SIK3: variants seen among roughly 807,000 people sequenced by gnomAD.
The protein encoded by SIK3 is serine/threonine-protein kinase SIK3.
In SIK3, 28 loss-of-function variants were observed where a neutral mutation model predicts 144.2. The observed-to-expected ratio is 0.19, with a 90% CI of 0.14 to 0.27. The LOEUF (loss-of-function observed/expected upper bound fraction) is 0.27, where lower values mean the gene tolerates loss of function less well. Among genes scored for constraint, SIK3 ranks in the 10% least tolerant of loss-of-function variants. The probability of loss-of-function intolerance (pLI) is 1.00; values close to 1 mark genes in which losing one functional copy is unlikely to be tolerated. For missense variants in SIK3, 1,319 were observed against 1,776.0 expected (o/e 0.74, Z 4.62); for synonymous variants, 686 against 676.3 (o/e 1.01, Z -0.22).
chr11:117,086,689 T>C (rs1410799643), intron 1 of SIK3, among the ~76,000 whole-genome samples: 1 of 136,860 alleles, frequency 7.3e-6, no homozygotes, highest in Non-Finnish European at 1.5e-5. Context: ...AGACTCCGTC[T>C]CAAAAAAAAA....
intron 1 of SIK3, among the ~76,000 whole-genome samples, chr11:117,009,511 G>C (rs1951173600): frequency 6.6e-6 from 1 of 151,212 alleles, no homozygotes. Flanking sequence ...AGTTAGCAAT[G>C]ACAGCACTGC....
In SIK3 at chr11:116,897,336, A is replaced by G. The variant is rs1296809449; in HGVS notation, c.617-19T>C. 6.2e-7 allele frequency: 1 copy of G among 1,610,174 alleles called. No individual in the cohort carries two copies. Among genetic ancestry groups the G allele is most frequent in the Admixed American group, 1.7e-5 (1 of 59,544 alleles). On this transcript the variant is annotated intron_variant, in intron 4 of 24. Transcript: ENST00000445177. ...CCAAAATCTAGAAAGGCAAATGGAC[A>G]TAATTCGTATTATTGTAACCTTTTA...
chr11:116,860,540 C>T (rs1473354628), intron 19 of SIK3, among the ~76,000 whole-genome samples: 2 of 152,186 alleles, frequency 1.3e-5, no homozygotes, highest in Non-Finnish European at 2.9e-5. Flanking sequence ...CAAACGGAGG[C>T]ATGTCTATAA....
chr11:117,003,422 T>C (rs765644871), intron 1 of SIK3, among the ~76,000 whole-genome samples: 4 of 152,022 alleles, frequency 2.6e-5, no homozygotes, highest in Non-Finnish European at 4.4e-5. Flanking sequence ...TTTTCTAGTA[T>C]AAAATGAGGG....
Position 117,026,577 on chromosome 11 carries a change from C to T in SIK3, c.274-69513G>A, listed in dbSNP as rs1952019146. 2.0e-5 allele frequency among the ~76,000 whole-genome samples: 3 copies of T among 152,126 alleles called. No homozygotes were observed. The South Asian group carries it at 6.2e-4, about 31-fold the overall frequency. On this transcript the variant is annotated intron_variant, in intron 1 of 24. Coordinates refer to ENST00000445177, the MANE Select transcript of SIK3 (RefSeq NM_001366686.3). ...CAGCATGTACATATTGATCAGAACCCAACTATGATTTTTAACAATTAAAAA... is the reference window on the plus strand; with the variant it reads ...CAGCATGTACATATTGATCAGAACCTAACTATGATTTTTAACAATTAAAAA...
At chr11:116,936,375 C>A (rs919449694) in intron 3 of SIK3, among the ~76,000 whole-genome samples, 5 of 152,088 alleles carry the variant, frequency 3.3e-5, no homozygotes, top group African/African-American at 1.2e-4. Flanking sequence ...GGAGTTTCAC[C>A]ATGTTGGTCA....
At chr11:116,906,598 A>T (rs1166614220) in intron 4 of SIK3, among the ~76,000 whole-genome samples, 1 of 152,194 alleles carries the variant, frequency 6.6e-6, no homozygotes, top group African/African-American at 2.4e-5. Context: ...AGGAAAATGT[A>T]ACAAGGAAGC....
At chr11:116,973,468 G>A (rs1341587309) in intron 1 of SIK3, among the ~76,000 whole-genome samples, 2 of 152,162 alleles carry the variant, frequency 1.3e-5, no homozygotes, top group Non-Finnish European at 1.5e-5. Flanking sequence ...GTAAACATAG[G>A]TAAGCTCTCC....
chr11:116,863,884 C>T, intron 15 of SIK3, 66 bp from the exon 16 acceptor site: 1 of 1,468,268 alleles, frequency 6.8e-7, no homozygotes, highest in Non-Finnish European at 9.2e-7. Context: ...CACACAGGGA[C>T]TGCTGTTCCA....
intron 3 of SIK3, among the ~76,000 whole-genome samples, chr11:116,927,726 C>T (rs571933485): frequency 5.1e-4 from 77 of 152,260 alleles, no homozygotes; most frequent in African/African-American, 1.8e-3. Context: ...TGAGCAAACA[C>T]ACACATGAAG....
At chr11:117,027,929 G>A (rs777023523) in intron 1 of SIK3, among the ~76,000 whole-genome samples, 38 of 152,160 alleles carry the variant, frequency 2.5e-4, no homozygotes. Context: ...TCTACCCAAA[G>A]TTTTAAGTAA....
chr11:117,080,122 G>C (rs1018914904), intron 1 of SIK3, among the ~76,000 whole-genome samples: 1 of 152,110 alleles, frequency 6.6e-6, no homozygotes, highest in African/African-American at 2.4e-5. Context: ...AGTAGACAAA[G>C]CAGAAAGACA....
intron 1 of SIK3, among the ~76,000 whole-genome samples, chr11:117,002,244 T>C (rs537520228): frequency 6.6e-6 from 1 of 152,230 alleles, no homozygotes; most frequent in Non-Finnish European, 1.5e-5. Flanking sequence ...GCTTTGAATG[T>C]GGCCCAACAC....
At chr11:116,922,571 G>C (rs1454738516) in intron 4 of SIK3, among the ~76,000 whole-genome samples, 1 of 152,198 alleles carries the variant, frequency 6.6e-6, no homozygotes, top group Non-Finnish European at 1.5e-5. Flanking sequence ...AGAATCGCTT[G>C]AGGCCAGGAG....
At chr11:117,075,431 T>C (rs1047966502) in intron 1 of SIK3, among the ~76,000 whole-genome samples, 3 of 152,232 alleles carry the variant, frequency 2.0e-5, no homozygotes, top group Admixed American at 6.5e-5. Flanking sequence ...TTCCCTTCCA[T>C]GATCTCACCA....
chr11:116,926,795 C>A (rs1457993876), intron 4 of SIK3, among the ~76,000 whole-genome samples: 1 of 152,072 alleles, frequency 6.6e-6, no homozygotes, highest in African/African-American at 2.4e-5. Flanking sequence ...CCAAGGCAGG[C>A]AGATCACTTG....
At chr11:117,094,909 G>A (rs1014804255) in intron 1 of SIK3, among the ~76,000 whole-genome samples, 2 of 152,038 alleles carry the variant, frequency 1.3e-5, no homozygotes, top group African/African-American at 4.8e-5. Flanking sequence ...ATTCTCTCCT[G>A]GTAACTGTTC....
At chr11:116,923,804 A>C (rs1947132857) in intron 4 of SIK3, among the ~76,000 whole-genome samples, 1 of 152,236 alleles carries the variant, frequency 6.6e-6, no homozygotes, top group Non-Finnish European at 1.5e-5. Flanking sequence ...GTCTGTAATT[A>C]TATATCAGCA....
At position 116,867,911 on chromosome 11, in the gene SIK3, C is replaced by T. The variant is rs780285204; in HGVS notation, c.1952+35G>A. ...TCAGAAGGGTGCCTGTCCGATGAGC[C>T]TCAAGGAGCTCGCACAGCTCATGTG... is the stretch of plus-strand genomic sequence containing the variant. On this transcript the variant is annotated intron_variant, in intron 15 of 24. Coordinates refer to ENST00000445177, the MANE Select transcript of SIK3 (RefSeq NM_001366686.3). This position sits in a 1 kb window ranked among gnomAD's most constrained non-coding sequence, Gnocchi z 4.1. 2 of 1,486,550 alleles carry T rather than the reference C, an allele frequency of 1.3e-6. No homozygotes were observed. The highest frequency in any genetic ancestry group is 1.8e-6 in the Non-Finnish European group (2 of 1,114,794). The allele number at this position is 1,486,550 out of a possible 1,614,324, so 92.1% of individuals were successfully genotyped here.
Sources: allele counts gnomAD v4.1 joint callset (sites outside exome capture counted in the v4.1 genomes callset), GRCh38; gene constraint gnomAD v4.1.1; non-coding constraint Gnocchi (gnomAD v3.1); transcripts MANE v1.5; gene names NCBI Gene and HGNC (gene_info 2026-07-23, HGNC 2026-07-21).